The following DNAH11 variants were observed in gnomAD, a reference collection of about 807,000 sequenced individuals.
DNAH11 encodes the protein dynein axonemal heavy chain 11.
Under a neutral mutation model 526.0 loss-of-function variants are expected in DNAH11, and 442 were observed. That is an observed-to-expected ratio of 0.84 (90% CI 0.78 to 0.91). DNAH11 has a LOEUF of 0.91. DNAH11 is among the 40% of genes least tolerant of loss of function. The pLI is 0.00. For synonymous variants in DNAH11, 2,461 were observed against 1,935.9 expected, an observed-to-expected ratio of 1.27 and a Z score of -7.12; for missense variants, 6,989 against 5,448.7, an observed-to-expected ratio of 1.28 and a Z score of -8.90.
intron 25 of DNAH11, among the ~76,000 whole-genome samples, chr7:21,632,156 G>C (rs1430611699): frequency 1.3e-5 from 2 of 152,180 alleles, no homozygotes; most frequent in African/African-American, 4.8e-5. Context: ...GCCATGGCTG[G>C]AGTGGCTGGG....
intron 35 of DNAH11, among the ~76,000 whole-genome samples, chr7:21,696,478 C>A (rs1562495054): frequency 6.6e-6 from 1 of 152,110 alleles, no homozygotes; most frequent in Non-Finnish European, 1.5e-5. Flanking sequence ...TTGAAAAATT[C>A]TAGATAGAGA....
chr7:21,760,731 C>T (rs917388753), intron 54 of DNAH11, among the ~76,000 whole-genome samples: 2 of 152,122 alleles, frequency 1.3e-5, no homozygotes, highest in African/African-American at 2.4e-5. Flanking sequence ...AAGTAGTTGG[C>T]TAAGAGCTTC....
At chr7:21,645,171 G>A (rs1787296947) in intron 28 of DNAH11, among the ~76,000 whole-genome samples, 1 of 152,144 alleles carries the variant, frequency 6.6e-6, no homozygotes, top group South Asian at 2.1e-4. Flanking sequence ...TCCTGCCAGC[G>A]AGGAGTTTCT....
At chr7:21,690,989 T>C (rs542511078) in intron 35 of DNAH11, 108 bp downstream of exon 35, 3 of 767,878 alleles carry the variant, frequency 3.9e-6, no homozygotes, top group African/African-American at 1.8e-5. Context: ...CTAAGGAAAA[T>C]CCTATATGAT....
chr7:21,800,408 G>A (rs571811657), intron 61 of DNAH11, among the ~76,000 whole-genome samples: 1 of 152,244 alleles, frequency 6.6e-6, no homozygotes, highest in South Asian at 2.1e-4. Flanking sequence ...AAGGTGGGTG[G>A]ATCACTTGAG....
At chr7:21,619,010 T>G in intron 23 of DNAH11, 90 bp from the exon 24 acceptor site, 1 of 1,531,170 alleles carries the variant, frequency 6.5e-7, no homozygotes, top group Non-Finnish European at 9.0e-7. Flanking sequence ...TTGAGTATAT[T>G]TTAGTTAAGA....
chr7:21,671,522 T>C (rs909050973), intron 30 of DNAH11, among the ~76,000 whole-genome samples: 1 of 152,130 alleles, frequency 6.6e-6, no homozygotes, highest in Non-Finnish European at 1.5e-5. Flanking sequence ...ATTTCTGGGG[T>C]TCGTAATTTA....
intron 25 of DNAH11, among the ~76,000 whole-genome samples, chr7:21,627,629 T>C (rs10253868): frequency 0.39 from 59,786 of 151,920 alleles, 11,997 homozygotes; most frequent in East Asian, 0.54. Context: ...TCTGTTCCAT[T>C]GGTCTCTGTG....
In DNAH11 at chr7:21,874,263, A is replaced by G. The variant is rs145640234; in HGVS notation, c.12195+762A>G. Among the ~76,000 whole-genome samples, 7 of 152,208 alleles carry G rather than the reference A, an allele frequency of 4.6e-5. No homozygotes were observed. The East Asian group carries it at 1.4e-3, about 29-fold the overall frequency. On this transcript the variant is annotated intron_variant, in intron 74 of 81. Coordinates refer to ENST00000409508, the MANE Select transcript of DNAH11 (RefSeq NM_001277115.2). ...AAATTTAAAGGCCTCTTTTTGGGTT[A>G]TATCTATGACACCTTATTTATATGT... is the stretch of plus-strand genomic sequence containing the variant.
At chr7:21,874,756 CCTAT>C (rs1783641019) in intron 74 of DNAH11, among the ~76,000 whole-genome samples, 1 of 151,956 alleles carries the variant, frequency 6.6e-6, no homozygotes, top group Non-Finnish European at 1.5e-5. Flanking sequence ...CCCAAACTAT[CCTAT>C]CTATCAACAT....
At chr7:21,849,400 CT>C (rs1307771272) in intron 66 of DNAH11, among the ~76,000 whole-genome samples, 1 of 152,186 alleles carries the variant, frequency 6.6e-6, no homozygotes, top group Non-Finnish European at 1.5e-5. Flanking sequence ...TTTACTCCTT[CT>C]CTAGTACTCT....
At chr7:21,724,498 G>C (rs538939965) in intron 44 of DNAH11, among the ~76,000 whole-genome samples, 5 of 152,354 alleles carry the variant, frequency 3.3e-5, no homozygotes, top group Non-Finnish European at 7.3e-5. Context: ...ATAGAAATGA[G>C]ATTGCTGAAA....
intron 66 of DNAH11, chr7:21,851,351 G>A (rs75651556): frequency 0.057 from 16,390 of 287,616 alleles, 706 homozygotes; most frequent in South Asian, 0.12. Flanking sequence ...CCAGCTATAC[G>A]GAACTATGAG....
intron 65 of DNAH11, among the ~76,000 whole-genome samples, chr7:21,820,084 G>A (rs925397310): frequency 6.6e-6 from 1 of 152,164 alleles, no homozygotes; most frequent in African/African-American, 2.4e-5. Flanking sequence ...ATCATCAGCT[G>A]TTCCTCCTTC....
chr7:21,764,014 G>A (rs6978982), intron 54 of DNAH11, among the ~76,000 whole-genome samples: 52,639 of 151,592 alleles, frequency 0.35, 10,854 homozygotes, highest in Non-Finnish European at 0.47. Context: ...AAAGTAGAAT[G>A]GTGGTTACCA....
chr7:21,846,261 T>A (rs550562188), intron 66 of DNAH11, among the ~76,000 whole-genome samples: 2 of 152,274 alleles, frequency 1.3e-5, no homozygotes, highest in East Asian at 3.9e-4. Context: ...GGACTTCTAG[T>A]ACAATGTTGA....
chr7:21,567,068 A>T (rs1224240521), intron 6 of DNAH11, among the ~76,000 whole-genome samples: 1 of 152,184 alleles, frequency 6.6e-6, no homozygotes, highest in East Asian at 1.9e-4. Context: ...CAATCTTTTC[A>T]TGGCTCTTGA....
chr7:21,764,910 A>G (rs962511215), intron 54 of DNAH11, among the ~76,000 whole-genome samples: 5 of 152,226 alleles, frequency 3.3e-5, no homozygotes, highest in African/African-American at 1.2e-4. Context: ...AGAATTTTTA[A>G]TTCCTTTAAA....
At chr7:21,632,863 A>G (rs1445995546) in intron 25 of DNAH11, among the ~76,000 whole-genome samples, 1 of 152,100 alleles carries the variant, frequency 6.6e-6, no homozygotes, top group Non-Finnish European at 1.5e-5. Context: ...ATAGCACCCC[A>G]CCCTATTGGT....
Sources: gnomAD v4.1 joint callset for allele counts (sites outside exome capture counted in the v4.1 genomes callset) on GRCh38, gnomAD v4.1.1 for gene constraint, MANE v1.5 for transcripts, NCBI Gene and HGNC (gene_info 2026-07-23, HGNC 2026-07-21) for gene names.